Variants in PRR5 observed in about 807,000 individuals in gnomAD.
PRR5 encodes proline-rich protein 5.
In PRR5, 25 loss-of-function variants were observed where a neutral mutation model predicts 30.6. The ratio of observed to expected loss-of-function variants is 0.82; its 90% CI spans 0.60 to 1.14. The LOEUF is 1.14. Among genes scored for constraint, PRR5 ranks in the 50% most tolerant of loss-of-function variants. The probability of loss-of-function intolerance (pLI) is 0.00; values close to 1 mark genes in which losing one functional copy is unlikely to be tolerated. For synonymous variants in PRR5, 286 were observed against 247.1 expected, an observed-to-expected ratio of 1.16 and a Z score of -1.48; for missense variants, 600 against 547.1, an observed-to-expected ratio of 1.10 and a Z score of -0.96.
At chr22:44,720,131 C>T (rs965894064) in intron 2 of PRR5, among the ~76,000 whole-genome samples, 5 of 152,216 alleles carry the variant, frequency 3.3e-5, no homozygotes, top group African/African-American at 1.2e-4. Flanking sequence ...CTTGGGGTTC[C>T]CCTTAGGGAG....
intron 1 of PRR5, among the ~76,000 whole-genome samples, chr22:44,704,705 G>T (rs1334204565): frequency 6.7e-6 from 1 of 149,062 alleles, no homozygotes; most frequent in Admixed American, 6.7e-5. Context: ...GCCCAGCGAG[G>T]TATTACCAGC....
Position 44,691,065 on chromosome 22 carries a change from T to C in PRR5, c.-10-11427T>C, listed in dbSNP as rs1925195022. Among the ~76,000 whole-genome samples the C allele has an allele frequency of 6.6e-6, 1 of 151,574 alleles. No individual in the cohort carries two copies. The highest frequency in any genetic ancestry group is 2.1e-4 in the South Asian group (1 of 4,780). On this transcript the variant is annotated intron_variant, in intron 1 of 8. Transcript: ENST00000006251. The surrounding 1 kb of genome is among the most constrained non-coding windows in gnomAD (Gnocchi z 4.4). Reference sequence around the variant, plus strand: ...TGCTGGCAGCCTCGGGAAGGTGGATTCCCGGGGCGGGGAGGCAGGAGAGTC... The same window carrying C: ...TGCTGGCAGCCTCGGGAAGGTGGATCCCCGGGGCGGGGAGGCAGGAGAGTC...
At position 44,726,620 on chromosome 22, in the gene PRR5, T is replaced by G; in HGVS notation, c.308T>G (p.Ile103Ser). 1 of 1,614,096 alleles carries G rather than the reference T, an allele frequency of 6.2e-7. No individual in the cohort carries two copies. The highest frequency in any genetic ancestry group is 8.5e-7 in the Non-Finnish European group (1 of 1,180,028). ...TKGMVILRDKIRFYEGQKLLD... is the reference protein window; with the variant it reads ...TKGMVILRDKSRFYEGQKLLD... The stretch of plus-strand genomic sequence containing the variant: ...GGCATGGTGATCCTTCGGGACAAGA[T>G]TCGCTTCTATGAGGGTGAGTGTGGG... The change falls in exon 4 of 8, where the codon ATT becomes AGT. Residue 103 changes from isoleucine (I) to serine (S), a missense_variant. Transcript: ENST00000336985.
upstream of PRR5, among the ~76,000 whole-genome samples, chr22:44,674,813 G>T (rs1923628611): frequency 6.6e-6 from 1 of 152,158 alleles, no homozygotes; most frequent in Admixed American, 6.6e-5. Flanking sequence ...GGGCATGGTG[G>T]CATACACCTG....
chr22:44,701,267 A>C (rs953869358), upstream of PRR5, among the ~76,000 whole-genome samples: 1 of 152,170 alleles, frequency 6.6e-6, no homozygotes, highest in African/African-American at 2.4e-5. Flanking sequence ...CCTTGTGGGA[A>C]TCCCAGAAGC....
chr22:44,718,669 C>T (rs1929479088), intron 2 of PRR5, among the ~76,000 whole-genome samples: 1 of 152,200 alleles, frequency 6.6e-6, no homozygotes, highest in African/African-American at 2.4e-5. Context: ...TTCTCACCAA[C>T]ACATGTTAAT....
At chr22:44,698,127 C>A (rs557834003), upstream of PRR5, among the ~76,000 whole-genome samples, 142 of 152,180 alleles carry the variant, frequency 9.3e-4, no homozygotes, top group Middle Eastern at 3.2e-3. Flanking sequence ...AAGGGTAGTT[C>A]TGAGGATATC....
At chr22:44,676,229 C>CA (rs200975981), upstream of PRR5, among the ~76,000 whole-genome samples, 181 of 150,148 alleles carry the variant, frequency 1.2e-3, no homozygotes, top group African/African-American at 4.1e-3. Context: ...ATTAAAAGTA[C>CA]AAAAAAAATG....
upstream of PRR5, among the ~76,000 whole-genome samples, chr22:44,673,697 G>T (rs1236587910): frequency 6.6e-6 from 1 of 152,126 alleles, no homozygotes; most frequent in Non-Finnish European, 1.5e-5. Flanking sequence ...CTAGGGCTTG[G>T]GTAGGTGGCG....
intron 1 of PRR5, among the ~76,000 whole-genome samples, chr22:44,710,334 C>T (rs545190750): frequency 1.7e-4 from 26 of 152,194 alleles, no homozygotes; most frequent in Admixed American, 3.9e-4. Flanking sequence ...TGGGACTTGG[C>T]CTCAGGAGGA....
At chr22:44,672,395 G>A (rs1279241366), upstream of PRR5, among the ~76,000 whole-genome samples, 6 of 152,214 alleles carry the variant, frequency 3.9e-5, no homozygotes, top group Admixed American at 1.3e-4. Context: ...GAGCAGGCTG[G>A]CCAGCATGGT....
At chr22:44,669,053 C>T (rs1923264960) in intron 1 of PRR5, among the ~76,000 whole-genome samples, 1 of 150,436 alleles carries the variant, frequency 6.6e-6, no homozygotes, top group South Asian at 2.1e-4. Flanking sequence ...TCCAGCCTCT[C>T]CCACCCCAGC....
At chr22:44,719,803 TCA>T (rs1929660776) in intron 2 of PRR5, among the ~76,000 whole-genome samples, 1 of 152,180 alleles carries the variant, frequency 6.6e-6, no homozygotes, top group Non-Finnish European at 1.5e-5. Context: ...CCTGGCCAAG[TCA>T]CAGATGATCT....
chr22:44,719,538 G>A lies in PRR5; in HGVS notation c.215+4867G>A, dbSNP rs112804143. 4.0e-3 allele frequency among the ~76,000 whole-genome samples: 609 copies of A among 152,118 alleles called. 3 individuals carry two copies. Among genetic ancestry groups the A allele is most frequent in the South Asian group, 0.014 (69 of 4,820 alleles). On this transcript the variant is annotated intron_variant, in intron 2 of 7. Transcript: ENST00000336985. The stretch of plus-strand genomic sequence containing the variant: ...TTAGACAGAATCTGAGGCCCTGGGC[G>A]CCCTCGTTGTGCTCAGCCGTGAGGT...
rs774815902 is a variant in PRR5, at chr22:44,725,238, C to T, written c.216-6C>T. The T allele has an allele frequency of 2.5e-6, 4 of 1,613,766 alleles. No homozygotes were observed. Among genetic ancestry groups the T allele is most frequent in the Middle Eastern group, 1.6e-4 (1 of 6,076 alleles). On this transcript the variant is annotated splice_region_variant and splice_polypyrimidine_tract_variant and intron_variant, in intron 2 of 7. Coordinates refer to ENST00000336985, the MANE Select transcript of PRR5 (RefSeq NM_181333.4). ...GACTCACTCTTGTCTCACCTCCCACCCACAGGCAGCTGTTGAAGACAGAGC... is the reference window on the plus strand; with the variant it reads ...GACTCACTCTTGTCTCACCTCCCACTCACAGGCAGCTGTTGAAGACAGAGC...
upstream of PRR5, among the ~76,000 whole-genome samples, chr22:44,674,253 C>T (rs1338778043): frequency 3.9e-5 from 6 of 151,914 alleles, no homozygotes; most frequent in African/African-American, 4.8e-5. Flanking sequence ...ACCACAGGCA[C>T]GCACCACCAC....
intron 1 of PRR5, among the ~76,000 whole-genome samples, chr22:44,703,496 G>A (rs1479136639): frequency 6.6e-6 from 1 of 152,270 alleles, no homozygotes; most frequent in East Asian, 1.9e-4. Context: ...TGAATGCATT[G>A]TGAGCGTCAT....
rs555051869 is a variant in PRR5, at chr22:44,736,651, G to A, written c.692-121G>A. On this transcript the variant is annotated intron_variant, in intron 7 of 7. Transcript: ENST00000336985. ...GGTGGGACCTGCTGAGCCGGGCCCC[G>A]GGTCGGGCCTTCCCTGCAGCTGCCC... The A allele has an allele frequency of 1.9e-5, 28 of 1,445,092 alleles. 1 individual carries two copies. The highest frequency in any genetic ancestry group is 7.1e-5 in the East Asian group (3 of 42,210). 89.5% of individuals were successfully genotyped at this position (1,445,092 alleles called of 1,614,324 possible). A position where few individuals can be genotyped will look rare whatever the true frequency, so the allele number is the denominator to read the frequency against.
chr22:44,683,613 C>T (rs1182454304), intron 1 of PRR5, among the ~76,000 whole-genome samples: 1 of 152,258 alleles, frequency 6.6e-6, no homozygotes, highest in African/African-American at 2.4e-5. Flanking sequence ...ACTGTGTCCA[C>T]CCTCCCAGGC....
Sources: gnomAD v4.1 joint callset for allele counts (sites outside exome capture counted in the v4.1 genomes callset) on GRCh38, gnomAD v4.1.1 for gene constraint, Gnocchi (gnomAD v3.1) non-coding constraint, MANE v1.5 for transcripts, NCBI Gene and HGNC (gene_info 2026-07-23, HGNC 2026-07-21) for gene names.